Variants in NEBL observed in about 807,000 individuals in gnomAD.
NEBL encodes the protein LIM and SH3 protein 2.
A neutral mutation model predicts 140.2 loss-of-function variants in NEBL; 122 were observed. The observed-to-expected ratio is 0.87, with a 90% confidence interval of 0.75 to 1.01. NEBL has a LOEUF of 1.01. Ranked by LOEUF, NEBL falls within the 50% of genes least tolerant of loss-of-function variation. NEBL has a pLI of 0.00. For missense variants in NEBL, 1,365 were observed against 1,231.3 expected, an observed-to-expected ratio of 1.11 and a Z score of -1.62; for synonymous variants, 436 against 398.9, an observed-to-expected ratio of 1.09 and a Z score of -1.11.
At chr10:20,976,278 T>G (rs547138924) in intron 3 of NEBL, among the ~76,000 whole-genome samples, 46 of 150,202 alleles carry the variant, frequency 3.1e-4, no homozygotes, top group Admixed American at 7.3e-4. Context: ...GAGGCAGAAG[T>G]TGGCAGTGAG....
intron 2 of NEBL, among the ~76,000 whole-genome samples, chr10:21,098,784 A>C (rs1837324859): frequency 6.6e-6 from 1 of 152,236 alleles, no homozygotes; most frequent in Admixed American, 6.5e-5. Context: ...ATGGCCTCTC[A>C]CTTGAACAGT....
At chr10:21,238,808 C>G (rs536454535) in intron 3 of NEBL, among the ~76,000 whole-genome samples, 17 of 151,470 alleles carry the variant, frequency 1.1e-4, no homozygotes, top group East Asian at 3.9e-4. Context: ...AAGATCCCCC[C>G]CAAAAGCCTG....
chr10:20,839,794 C>G lies in NEBL; in HGVS notation c.1338+945G>C, dbSNP rs558574807. Among the ~76,000 whole-genome samples, 14 of 152,190 alleles carry G rather than the reference C, an allele frequency of 9.2e-5. No individual in the cohort carries two copies. The South Asian group carries it at 1.7e-3, about 18-fold the overall frequency. ...GAGATTAATCCAAGGAGATTCAAAC[C>G]TAAGACTTTGATTGGAACTATAAAA... On this transcript the variant is annotated intron_variant, in intron 13 of 27. Coordinates refer to ENST00000377122, the MANE Select transcript of NEBL (RefSeq NM_006393.3).
chr10:21,010,309 A>G (rs1279738996), intron 3 of NEBL, among the ~76,000 whole-genome samples: 1 of 152,212 alleles, frequency 6.6e-6, no homozygotes, highest in Non-Finnish European at 1.5e-5. Flanking sequence ...CAGTGGCACA[A>G]TCACAGCTCA....
intron 4 of NEBL, among the ~76,000 whole-genome samples, chr10:20,933,361 C>T (rs182682287): frequency 9.7e-4 from 147 of 152,264 alleles, no homozygotes; most frequent in African/African-American, 3.3e-3. Context: ...AGAAAATAGC[C>T]TCAAAACTTA....
intron 26 of NEBL, among the ~76,000 whole-genome samples, chr10:20,808,020 G>A (rs1402916830): frequency 6.7e-6 from 1 of 148,640 alleles, no homozygotes; most frequent in Non-Finnish European, 1.5e-5. Context: ...CAAGTATTAT[G>A]CCCAATTTCT....
intron 2 of NEBL, among the ~76,000 whole-genome samples, chr10:21,126,561 A>G (rs1470804792): frequency 1.3e-5 from 2 of 152,204 alleles, no homozygotes; most frequent in African/African-American, 4.8e-5. Context: ...AAGGGAAGCT[A>G]CAACTAAAAG....
chr10:21,096,855 G>A (rs1442341849), intron 2 of NEBL, among the ~76,000 whole-genome samples: 1 of 151,796 alleles, frequency 6.6e-6, no homozygotes, highest in African/African-American at 2.4e-5. Context: ...TCATCACATT[G>A]GTCTTTCTTT....
Position 20,785,765 on chromosome 10 carries a change from G to A in NEBL, c.3027C>T (p.Tyr1009=). The A allele has an allele frequency of 6.2e-7, 1 of 1,613,846 alleles. No homozygotes were observed. The highest frequency in any genetic ancestry group is 1.1e-5 in the South Asian group (1 of 91,080). ...GAAATAATTAATTAACAAACTCAAT[G>A]TAATTCGCTGGGAGCATTCCTGTTC... The part of the protein sequence containing the change: ...TGRTGMLPAN[Y]IEFVN Residue 1009 remains tyrosine (Y), a synonymous_variant, in exon 28 of 28, where the codon TAC becomes TAT. Coordinates refer to ENST00000377122, the MANE Select transcript of NEBL (RefSeq NM_006393.3).
intron 2 of NEBL, among the ~76,000 whole-genome samples, chr10:21,066,971 C>CCTTT: frequency 8.9e-6 from 1 of 112,832 alleles, no homozygotes; most frequent in South Asian, 3.0e-4. Flanking sequence ...AATAATTTAA[C>CCTTT]TTTTTTTTTT....
At chr10:21,025,776 C>G (rs1482128477) in intron 2 of NEBL, among the ~76,000 whole-genome samples, 1 of 152,104 alleles carries the variant, frequency 6.6e-6, no homozygotes, top group Admixed American at 6.6e-5. Context: ...CCTCTCTGGC[C>G]TCAACTTTCT....
intron 1 of NEBL, among the ~76,000 whole-genome samples, chr10:21,282,283 T>C (rs887211064): frequency 9.9e-5 from 15 of 152,160 alleles, no homozygotes; most frequent in Admixed American, 3.9e-4. Flanking sequence ...AATCCAGGCC[T>C]TGGGGAATTC....
intron 2 of NEBL, among the ~76,000 whole-genome samples, chr10:21,122,188 G>C (rs1474601708): frequency 2.6e-5 from 4 of 152,072 alleles, no homozygotes; most frequent in African/African-American, 9.7e-5. Flanking sequence ...ACCATGCCTG[G>C]CTAGTTTTTG....
chr10:20,838,965 T>C (rs1454392637), intron 13 of NEBL, among the ~76,000 whole-genome samples: 3 of 152,116 alleles, frequency 2.0e-5, no homozygotes, highest in Non-Finnish European at 4.4e-5. Context: ...AACCAAAAAG[T>C]TCATGCGAAT....
intron 3 of NEBL, among the ~76,000 whole-genome samples, chr10:21,005,019 C>T: frequency 6.6e-6 from 1 of 152,144 alleles, no homozygotes; most frequent in South Asian, 2.1e-4. Flanking sequence ...AAATCAAGAC[C>T]TCACCCAAAC....
At chr10:20,944,146 T>A (rs913977124) in intron 4 of NEBL, among the ~76,000 whole-genome samples, 1 of 152,220 alleles carries the variant, frequency 6.6e-6, no homozygotes, top group Non-Finnish European at 1.5e-5. Context: ...ATGCCTGTAA[T>A]CCCAGCACTT....
chr10:21,279,138 A>G lies in NEBL; in HGVS notation n.182+13692T>C, dbSNP rs564905720. On this transcript the variant is annotated intron_variant and non_coding_transcript_variant, in intron 1 of 8. Transcript: ENST00000675702. ...ATACCGTCTCTGTTGCATAGCCTCA[A>G]CTCTGACATGGAAGAACAAAAGCAG... is the stretch of plus-strand genomic sequence containing the variant. Among the ~76,000 whole-genome samples, 6 of 152,234 alleles carry G rather than the reference A, an allele frequency of 3.9e-5. 2 individuals are homozygous for G. The highest frequency in any genetic ancestry group is 3.9e-4 in the East Asian group (2 of 5,172).
intron 2 of NEBL, among the ~76,000 whole-genome samples, chr10:21,115,019 G>T (rs955529221): frequency 6.6e-6 from 1 of 151,530 alleles, no homozygotes; most frequent in Non-Finnish European, 1.5e-5. Flanking sequence ...TGTTTTTTAT[G>T]ATTCCTTTTT....
chr10:20,962,545 G>C (rs1263890536), intron 3 of NEBL, among the ~76,000 whole-genome samples: 4 of 152,088 alleles, frequency 2.6e-5, no homozygotes, highest in Non-Finnish European at 5.9e-5. Flanking sequence ...GAATTTTACT[G>C]TTTCCTCGGA....
Sources: allele counts gnomAD v4.1 joint callset (sites outside exome capture counted in the v4.1 genomes callset), GRCh38; gene constraint gnomAD v4.1.1; transcripts MANE v1.5; gene names NCBI Gene and HGNC (gene_info 2026-07-23, HGNC 2026-07-21).